TAL1: variants seen among roughly 807,000 people sequenced by gnomAD.
TAL1 encodes the protein TAL bHLH transcription factor 1, erythroid differentiation factor, also known as T-cell acute lymphocytic leukemia protein 1.
A neutral mutation model predicts 17.9 loss-of-function variants in TAL1; 8 were observed. That is an observed-to-expected ratio of 0.45 (90% CI 0.26 to 0.81). The LOEUF (loss-of-function observed/expected upper bound fraction) is 0.81. Ranked by LOEUF, TAL1 falls within the 30% of genes least tolerant of loss-of-function variation. The probability of loss-of-function intolerance (pLI) is 0.17; values close to 1 mark genes in which losing one functional copy is unlikely to be tolerated. For synonymous variants in TAL1, 223 were observed against 218.6 expected, an observed-to-expected ratio of 1.02 and a Z score of -0.18; for missense variants, 466 against 486.9, an observed-to-expected ratio of 0.96 and a Z score of 0.40.
At chr1:47,225,324 G>T in intron 2 of TAL1, 119 bp downstream of exon 3, 1 of 979,202 alleles carries the variant, frequency 1.0e-6, no homozygotes, top group Non-Finnish European at 1.3e-6. Flanking sequence ...TCCTCTCCCT[G>T]CGCTCCACCC....
chr1:47,225,659 C>T, exon 2 of TAL1: 2 of 1,399,828 alleles, frequency 1.4e-6, no homozygotes, highest in South Asian at 3.1e-5. Context: ...CGCCGCGTCG[C>T]GGCCCTTTAA....
chr1:47,222,395 T>G (rs957708984), intron 3 of TAL1, among the ~76,000 whole-genome samples: 1 of 152,174 alleles, frequency 6.6e-6, no homozygotes, highest in African/African-American at 2.4e-5. Flanking sequence ...ATCTGTGAGA[T>G]GTAAACAATA....
At chr1:47,216,345 T>G (rs7664) in exon 4 of TAL1, 109,632 of 220,352 alleles carry the variant, frequency 0.5, 30,507 homozygotes, top group Middle Eastern at 0.66. Context: ...CACATATATA[T>G]ACACATCATC....
At chr1:47,229,117 G>T (rs1021087727) in intron 1 of TAL1, 79 bp downstream of exon 2, 1 of 144,584 alleles carries the variant, frequency 6.9e-6, no homozygotes, top group Non-Finnish European at 1.4e-5. Flanking sequence ...CCTCTGTCCT[G>T]AGCCTTCCTC....
chr1:47,232,031 G>T (rs970159874), upstream of TAL1: 1 of 109,458 alleles, frequency 9.1e-6, no homozygotes, highest in Non-Finnish European at 1.9e-5. Flanking sequence ...CGCCCCCCCC[G>T]GCCATCGAAA....
At chr1:47,217,952 AG>A in exon 4 of TAL1, 1 of 394,562 alleles carries the variant, frequency 2.5e-6, no homozygotes, top group Non-Finnish European at 4.5e-6. Flanking sequence ...AGTGCTACAA[AG>A]GTGAACAATG....
exon 2 of TAL1, chr1:47,225,775 G>A (rs1218048015): frequency 6.4e-7 from 1 of 1,556,444 alleles, no homozygotes. Context: ...TCGTCTCCTT[G>A]GCGACGCCGT....
exon 4 of TAL1, chr1:47,219,471 G>A (rs1016760267): frequency 4.3e-6 from 3 of 692,154 alleles, no homozygotes; most frequent in Non-Finnish European, 7.9e-6. Context: ...TGAGGGAAGA[G>A]GGAAGACCGT....
intron 2 of TAL1, among the ~76,000 whole-genome samples, chr1:47,225,124 G>A (rs1171755195): frequency 1.3e-5 from 2 of 152,004 alleles, no homozygotes; most frequent in Non-Finnish European, 2.9e-5. Flanking sequence ...CGTCCCCCAC[G>A]ACACCACCAC....
chr1:47,219,882 ATCT>A, exon 4 of TAL1: 2 of 1,578,478 alleles, frequency 1.3e-6, no homozygotes, highest in Non-Finnish European at 1.7e-6. Flanking sequence ...GCAGGAGGTC[ATCT>A]GGGGGCGCGC....
At chr1:47,229,289 C>A (rs1244752659) in exon 1 of TAL1, 2 of 207,678 alleles carry the variant, frequency 9.6e-6, no homozygotes, top group Non-Finnish European at 2.0e-5. Context: ...ACACCCGGGT[C>A]TTTGCTTTCC....
exon 4 of TAL1, chr1:47,219,724 C>G: frequency 1.2e-6 from 2 of 1,609,100 alleles, no homozygotes; most frequent in Non-Finnish European, 1.7e-6. Context: ...GACCCATCAC[C>G]GAGGGCCGGC....
exon 4 of TAL1, chr1:47,219,883 T>C: frequency 3.8e-6 from 6 of 1,577,508 alleles, no homozygotes; most frequent in Non-Finnish European, 5.2e-6. Context: ...CAGGAGGTCA[T>C]CTGGGGGCGC....
chr1:47,218,274 G>A (rs1216667021), exon 4 of TAL1: 1 of 233,074 alleles, frequency 4.3e-6, no homozygotes, highest in East Asian at 6.1e-5. Flanking sequence ...CTTAGATGCA[G>A]GTCACAGACA....
chr1:47,221,051 C>A (rs571156707), intron 3 of TAL1, among the ~76,000 whole-genome samples: 1 of 152,254 alleles, frequency 6.6e-6, no homozygotes, highest in Admixed American at 6.5e-5. Flanking sequence ...TGAAGCCAGG[C>A]TGGCTGGAGT....
chr1:47,229,418 G>C (rs1250280369), exon 1 of TAL1: 2 of 180,390 alleles, frequency 1.1e-5, no homozygotes, highest in African/African-American at 4.7e-5. Flanking sequence ...GCAAGAGGGA[G>C]GGAGAGAGAG....
exon 4 of TAL1, chr1:47,219,357 C>T: frequency 1.8e-6 from 1 of 559,930 alleles, no homozygotes; most frequent in Non-Finnish European, 3.4e-6. Flanking sequence ...CTGGATGCCT[C>T]AGATGAGAGC....
exon 4 of TAL1, chr1:47,217,326 G>A (rs1645515515): frequency 5.1e-6 from 2 of 392,106 alleles, no homozygotes; most frequent in Non-Finnish European, 9.0e-6. Context: ...GTTCAAGGCT[G>A]CAGACAGCAA....
exon 4 of TAL1, chr1:47,216,627 G>A (rs1050046037): frequency 8.6e-6 from 2 of 231,724 alleles, no homozygotes; most frequent in Admixed American, 1.1e-4. Flanking sequence ...CCAAAAGGCC[G>A]AAATAGTTGT....
Sources: gnomAD v4.1 joint callset for allele counts (sites outside exome capture counted in the v4.1 genomes callset) on GRCh38, gnomAD v4.1.1 for gene constraint, MANE v1.5 for transcripts, NCBI Gene and HGNC (gene_info 2026-07-23, HGNC 2026-07-21) for gene names.